The following ZNF420 variants were observed in gnomAD, a reference collection of about 807,000 sequenced individuals.
The protein encoded by ZNF420 is ATM and p53-associated KZNF protein.
Under a neutral mutation model 44.7 loss-of-function variants are expected in ZNF420, and 31 were observed. That is an observed-to-expected ratio of 0.69 (90% CI 0.52 to 0.94). ZNF420 has a LOEUF of 0.94. ZNF420 is among the 40% of genes least tolerant of loss of function. ZNF420 has a pLI of 0.00. For missense variants in ZNF420, 681 were observed against 827.9 expected, an observed-to-expected ratio of 0.82 and a Z score of 2.18; for synonymous variants, 245 against 267.4, an observed-to-expected ratio of 0.92 and a Z score of 0.82.
chr19:37,021,920 G>C (rs2074651762), intron 1 of ZNF420, among the ~76,000 whole-genome samples: 1 of 113,176 alleles, frequency 8.8e-6, no homozygotes, highest in Non-Finnish European at 1.6e-5. Flanking sequence ...CTGAGCAACA[G>C]AGCGACAGTC....
intron 4 of ZNF420, among the ~76,000 whole-genome samples, 180 bp from the exon 5 acceptor site, chr19:37,126,948 A>G (rs1521097): frequency 0.019 from 2,941 of 152,026 alleles, 80 homozygotes; most frequent in East Asian, 0.05. Context: ...ATACTGTTTT[A>G]TGAAACTGTA....
At chr19:37,052,500 CG>C (rs1967657777) in intron 1 of ZNF420, among the ~76,000 whole-genome samples, 1 of 152,118 alleles carries the variant, frequency 6.6e-6, no homozygotes, top group African/African-American at 2.4e-5. Context: ...TGGCTGGTAC[CG>C]GTTGCTCCTT....
intron 1 of ZNF420, among the ~76,000 whole-genome samples, chr19:37,053,489 T>C (rs1282359463): frequency 6.6e-6 from 1 of 152,192 alleles, no homozygotes; most frequent in Non-Finnish European, 1.5e-5. Context: ...ATCTTTGTGG[T>C]TTTATCTACC....
intron 1 of ZNF420, among the ~76,000 whole-genome samples, chr19:37,033,990 C>T (rs938518568): frequency 5.9e-5 from 9 of 151,878 alleles, no homozygotes; most frequent in Non-Finnish European, 1.3e-4. Context: ...CTCCTGACCT[C>T]GTGATCTGCC....
At chr19:37,012,800 GTGTGTGTGTGTGTC>G (rs1344527018) in intron 1 of ZNF420, among the ~76,000 whole-genome samples, 12 of 140,832 alleles carry the variant, frequency 8.5e-5, no homozygotes, top group African/African-American at 2.9e-4. Context: ...GTGTGTGTGT[GTGTGTGTGTGTGTC>G]TCCCATTCTC....
intron 4 of ZNF420, among the ~76,000 whole-genome samples, chr19:37,099,502 G>T (rs771813549): frequency 2.6e-5 from 4 of 152,002 alleles, no homozygotes; most frequent in Non-Finnish European, 5.9e-5. Context: ...CAAATCTTTT[G>T]ACTATTTTTT....
intron 4 of ZNF420, among the ~76,000 whole-genome samples, chr19:37,114,782 A>G (rs1970568739): frequency 6.6e-6 from 1 of 152,122 alleles, no homozygotes; most frequent in East Asian, 1.9e-4. Flanking sequence ...CTCCTGTTTG[A>G]AACAGTTCTA....
intron 1 of ZNF420, among the ~76,000 whole-genome samples, chr19:37,034,348 A>G (rs1267950339): frequency 1.3e-5 from 2 of 151,986 alleles, no homozygotes; most frequent in Admixed American, 6.6e-5. Flanking sequence ...TCCTTTGCCT[A>G]TTTTTTAGTT....
At chr19:37,104,198 T>G (rs1319446981) in intron 4 of ZNF420, among the ~76,000 whole-genome samples, 1 of 148,504 alleles carries the variant, frequency 6.7e-6, no homozygotes, top group African/African-American at 2.5e-5. Flanking sequence ...CCAAGTGTTC[T>G]CATTGTTCAA....
At chr19:37,009,480 C>T (rs1471878744) in intron 1 of ZNF420, among the ~76,000 whole-genome samples, 2 of 152,166 alleles carry the variant, frequency 1.3e-5, no homozygotes, top group Non-Finnish European at 2.9e-5. Flanking sequence ...CATATGGCCT[C>T]GGTGACACAC....
chr19:37,095,456 A>G (rs1395302893), intron 4 of ZNF420, among the ~76,000 whole-genome samples: 1 of 152,042 alleles, frequency 6.6e-6, no homozygotes, highest in Non-Finnish European at 1.5e-5. Flanking sequence ...TTGTTTCATA[A>G]TGGCAATGTT....
At chr19:37,042,327 A>G (rs1031085375) in intron 1 of ZNF420, among the ~76,000 whole-genome samples, 4 of 152,248 alleles carry the variant, frequency 2.6e-5, no homozygotes, top group African/African-American at 2.4e-5. Context: ...ATATAGAAGT[A>G]GGAGTAAGAC....
At chr19:37,031,227 G>A (rs1355732383) in intron 1 of ZNF420, among the ~76,000 whole-genome samples, 3 of 152,292 alleles carry the variant, frequency 2.0e-5, no homozygotes, top group Middle Eastern at 3.4e-3. Context: ...GATGAATGGA[G>A]AAATCTCTTT....
At chr19:37,105,662 C>T (rs1388772310) in intron 4 of ZNF420, among the ~76,000 whole-genome samples, 1 of 152,104 alleles carries the variant, frequency 6.6e-6, no homozygotes, top group Non-Finnish European at 1.5e-5. Flanking sequence ...TCTTCCTATC[C>T]ATGAGCATGG....
intron 1 of ZNF420, among the ~76,000 whole-genome samples, chr19:37,016,985 G>C (rs1330099077): frequency 6.6e-6 from 1 of 152,216 alleles, no homozygotes; most frequent in Non-Finnish European, 1.5e-5. Flanking sequence ...CCCAGAGAGA[G>C]ACTTTTGCCA....
At chr19:37,038,120 A>G (rs1299758834) in intron 1 of ZNF420, among the ~76,000 whole-genome samples, 1 of 123,704 alleles carries the variant, frequency 8.1e-6, no homozygotes, top group African/African-American at 3.2e-5. Context: ...ACAGAGCGAG[A>G]CTCCGTCTCA....
At chr19:37,099,253 T>C (rs1969626549) in intron 4 of ZNF420, among the ~76,000 whole-genome samples, 1 of 152,150 alleles carries the variant, frequency 6.6e-6, no homozygotes, top group African/African-American at 2.4e-5. Flanking sequence ...TTGAGAAACC[T>C]CCATACTATT....
intron 1 of ZNF420, among the ~76,000 whole-genome samples, chr19:37,042,547 A>G (rs1312925271): frequency 3.3e-5 from 5 of 152,224 alleles, no homozygotes; most frequent in Admixed American, 6.5e-5. Flanking sequence ...ACAAGACTCA[A>G]ATTAGTCCAA....
intron 1 of ZNF420, among the ~76,000 whole-genome samples, chr19:37,059,780 C>T (rs1967836120): frequency 6.6e-6 from 1 of 152,026 alleles, no homozygotes; most frequent in Non-Finnish European, 1.5e-5. Context: ...TGCCACTGCT[C>T]TGTCTCTGTC....
Sources: allele counts gnomAD v4.1 joint callset (sites outside exome capture counted in the v4.1 genomes callset), GRCh38; gene constraint gnomAD v4.1.1; transcripts MANE v1.5; gene names NCBI Gene and HGNC (gene_info 2026-07-23, HGNC 2026-07-21).